Variants in FAM186A observed in about 807,000 individuals in gnomAD.
The protein encoded by FAM186A is family with sequence similarity 186 member A.
Under a neutral mutation model 216.8 loss-of-function variants are expected in FAM186A, and 163 were observed. The ratio of observed to expected loss-of-function variants is 0.75; its 90% CI spans 0.66 to 0.86. The LOEUF is 0.86. Ranked by LOEUF, FAM186A falls within the 40% of genes least tolerant of loss-of-function variation. The probability of loss-of-function intolerance (pLI) is 0.00; values close to 1 mark genes in which losing one functional copy is unlikely to be tolerated. For synonymous variants in FAM186A, 805 were observed against 1,025.3 expected (o/e 0.79, Z 4.10); for missense variants, 2,184 against 2,746.2 (o/e 0.80, Z 4.58).
intron 1 of FAM186A, among the ~76,000 whole-genome samples, chr12:50,384,928 C>G (rs1943287915): frequency 6.6e-6 from 1 of 151,890 alleles, no homozygotes; most frequent in Non-Finnish European, 1.5e-5. Flanking sequence ...GCCTCAGCCT[C>G]CCAAGTAGCT....
intron 1 of FAM186A, chr12:50,365,995 G>T (rs1186173111): frequency 3.9e-6 from 3 of 765,802 alleles, no homozygotes; most frequent in African/African-American, 3.4e-5. Flanking sequence ...GACAAAGACC[G>T]CAAAAAGATC....
At chr12:50,388,361 G>A (rs892544273) in intron 1 of FAM186A, among the ~76,000 whole-genome samples, 7 of 152,202 alleles carry the variant, frequency 4.6e-5, no homozygotes, top group Admixed American at 2.6e-4. Context: ...GCTCACACCT[G>A]TAATCGCACA....
At chr12:50,366,279 A>T (rs896541934) in intron 1 of FAM186A, among the ~76,000 whole-genome samples, 1 of 152,194 alleles carries the variant, frequency 6.6e-6, no homozygotes, top group Non-Finnish European at 1.5e-5. Flanking sequence ...CAAATGATGA[A>T]GAATAACATT....
intron 3 of FAM186A, among the ~76,000 whole-genome samples, chr12:50,357,926 C>T (rs369561215): frequency 2.2e-4 from 33 of 151,806 alleles, no homozygotes; most frequent in African/African-American, 7.5e-4. Flanking sequence ...TGCAGTGAGT[C>T]GAGATCACGC....
In FAM186A at chr12:50,356,141, T is replaced by C. The variant is rs1289098777; in HGVS notation, c.691A>G (p.Asn231Asp). Reference protein sequence around the residue: ...DQMISDQLATNTKVSEIQGML... With the variant: ...DQMISDQLATDTKVSEIQGML... ...CCTTGGATTTCTGAAACCTTTGTATTTGTTGCAAGTTGATCACTAATCATC... is the reference window on the plus strand; with the variant it reads ...CCTTGGATTTCTGAAACCTTTGTATCTGTTGCAAGTTGATCACTAATCATC... The change falls in exon 4 of 8, where the codon AAT becomes GAT. Residue 231 changes from asparagine (N) to aspartate (D), a missense_variant. Around this residue, in one of 7 missense-constraint regions of FAM186A, gnomAD observed 1,132 missense variants for 1,263.4 expected, o/e 0.90. Coordinates refer to ENST00000327337, the MANE Select transcript of FAM186A (RefSeq NM_001145475.3). 6.4e-7 allele frequency: 1 copy of C among 1,551,678 alleles called. No individual in the cohort carries two copies. The highest frequency in any genetic ancestry group is 1.2e-5 in the South Asian group (1 of 84,058).
chr12:50,339,626 C>T (rs1457955036), intron 4 of FAM186A, among the ~76,000 whole-genome samples: 4 of 152,020 alleles, frequency 2.6e-5, no homozygotes, highest in Non-Finnish European at 4.4e-5. Context: ...ATACAAGTTC[C>T]TTAGCATGTG....
At chr12:50,334,875 C>T (rs530587905) in intron 4 of FAM186A, among the ~76,000 whole-genome samples, 5 of 152,084 alleles carry the variant, frequency 3.3e-5, no homozygotes, top group Admixed American at 2.0e-4. Context: ...TATGAATGAA[C>T]CTTCAAAAAT....
At position 50,351,004 on chromosome 12, in the gene FAM186A, G is replaced by C; in HGVS notation, c.5828C>G (p.Pro1943Arg). The part of the protein sequence containing the change: ...TLWPSPAPGK[P>R]QKSWSPSVAK... The stretch of plus-strand genomic sequence containing the variant: ...AACAGAAGGGGACCAACTTTTCTGG[G>C]GCTTTCCAGGGGCTGGGGACGGCCA... Residue 1943 changes from proline to arginine, a missense_variant, in exon 4 of 8, where the codon CCC becomes CGC. Around this residue, in one of 7 missense-constraint regions of FAM186A, gnomAD observed 721 missense variants for 816.4 expected, o/e 0.88. Transcript: ENST00000327337. 6.4e-7 allele frequency: 1 copy of C among 1,551,494 alleles called. No individual in the cohort carries two copies. Among genetic ancestry groups the C allele is most frequent in the African/African-American group, 1.4e-5 (1 of 73,134 alleles).
chr12:50,337,422 G>A lies in FAM186A; in HGVS notation c.6504-3319C>T, dbSNP rs115536733. ...CCATCCTCCCACCTCAGCCCCCCTC[G>A]GTAGCTGGGACTATAGGCACACCGT... On this transcript the variant is annotated intron_variant, in intron 4 of 7. Transcript: ENST00000327337. Among the ~76,000 whole-genome samples, 827 of 147,302 alleles carry A rather than the reference G, an allele frequency of 5.6e-3. 6 individuals carry two copies. Among genetic ancestry groups the A allele is most frequent in the African/African-American group, 0.02 (805 of 40,022 alleles).
At chr12:50,359,889 A>G (rs945905600) in intron 3 of FAM186A, among the ~76,000 whole-genome samples, 4 of 152,198 alleles carry the variant, frequency 2.6e-5, no homozygotes, top group African/African-American at 4.8e-5. Flanking sequence ...GCTGATGGGT[A>G]AAAGGACTGA....
At chr12:50,375,376 T>TTA (rs1161930465) in intron 1 of FAM186A, among the ~76,000 whole-genome samples, 4 of 151,882 alleles carry the variant, frequency 2.6e-5, no homozygotes, top group Non-Finnish European at 5.9e-5. Flanking sequence ...GGTGAAACCC[T>TTA]GTCTCGACTA....
In FAM186A at chr12:50,373,067, GAAAGAAAGAGA is replaced by G. The variant is rs1444230808; in HGVS notation, c.193-9714_193-9704del. 2.5e-4 allele frequency among the ~76,000 whole-genome samples: 36 copies of G among 142,232 alleles called. 1 individual carries two copies. Among genetic ancestry groups the G allele is most frequent in the Admixed American group, 3.7e-4 (5 of 13,650 alleles). 93.3% of individuals were successfully genotyped at this position (142,232 alleles called of 152,430 possible). On this transcript the variant is annotated intron_variant, in intron 1 of 7. Coordinates refer to ENST00000327337, the MANE Select transcript of FAM186A (RefSeq NM_001145475.3). The stretch of plus-strand genomic sequence containing the variant: ...AGAAAGAAAGAAAGAAAGAAAGAAA[GAAAGAAAGAGA>G]AAAGAAAGAAAGAAAGAAAAGAAAG...
chr12:50,386,519 C>A (rs1943305343), intron 1 of FAM186A, among the ~76,000 whole-genome samples: 1 of 151,980 alleles, frequency 6.6e-6, no homozygotes, highest in Admixed American at 6.6e-5. Context: ...ATAAATATAT[C>A]AAAACATAAT....
rs537756345 is a variant in FAM186A at position 50,368,976 on chromosome 12, A to AC, written c.193-5613_193-5612insG. 4.8e-5 allele frequency among the ~76,000 whole-genome samples: 7 copies of AC among 146,280 alleles called. No individual in the cohort carries two copies. In the East Asian group the frequency reaches 9.7e-4, roughly 20 times the overall value. ...AAAGGACAGTCTTTTAAAAAAAAAA[A>AC]AAACACACACAAATGTTGGTGGGAA... On this transcript the variant is annotated intron_variant, in intron 1 of 7. Coordinates refer to ENST00000327337, the MANE Select transcript of FAM186A (RefSeq NM_001145475.3).
Position 50,355,535 on chromosome 12 carries a change from C to T in FAM186A, c.1297G>A (p.Asp433Asn). Reference protein sequence around the residue: ...QPVASEDISEDSTKDNVSLKK... With the variant: ...QPVASEDISENSTKDNVSLKK... ...AATGATACGTTATCTTTAGTGCTGTCTTCGGAAATATCTTCAGAAGCAACA... is the reference window on the plus strand; with the variant it reads ...AATGATACGTTATCTTTAGTGCTGTTTTCGGAAATATCTTCAGAAGCAACA... The change falls in exon 4 of 8, where the codon GAC (aspartate) becomes AAC (asparagine). Residue 433 changes from aspartate to asparagine, a missense_variant. Asp to Asn is a conservative substitution (Grantham distance 23). Around this residue, in one of 7 missense-constraint regions of FAM186A, gnomAD observed 1,132 missense variants for 1,263.4 expected, o/e 0.90. Transcript: ENST00000327337. 1 of 1,551,520 alleles carries T rather than the reference C, an allele frequency of 6.4e-7. No individual in the cohort carries two copies. Among genetic ancestry groups the T allele is most frequent in the Non-Finnish European group, 8.7e-7 (1 of 1,146,972 alleles).
At chr12:50,328,872 T>C (rs1942629736) in intron 7 of FAM186A, among the ~76,000 whole-genome samples, 1 of 152,170 alleles carries the variant, frequency 6.6e-6, no homozygotes, top group Non-Finnish European at 1.5e-5. Flanking sequence ...TCCCAACCTT[T>C]TGGGAGGCCA....
At chr12:50,377,919 A>T (rs1943213586) in intron 1 of FAM186A, among the ~76,000 whole-genome samples, 2 of 151,934 alleles carry the variant, frequency 1.3e-5, no homozygotes, top group South Asian at 2.1e-4. Flanking sequence ...AATATGAAAG[A>T]TACTGTTAAG....
At chr12:50,373,053 AAGAAAGAAAGAAAGAAAGAAAG>A (rs1943162865) in intron 1 of FAM186A, among the ~76,000 whole-genome samples, 2 of 149,194 alleles carry the variant, frequency 1.3e-5, no homozygotes, top group Non-Finnish European at 3.0e-5. Flanking sequence ...GAAAGAAAGA[AAGAAAGAAAGAAAGAAAGAAAG>A]AGAAAAGAAA....
In FAM186A at chr12:50,354,475, G is replaced by A; in HGVS notation, c.2357C>T (p.Pro786Leu). The A allele has an allele frequency of 6.4e-7, 1 of 1,551,518 alleles. No individual in the cohort carries two copies. Among genetic ancestry groups the A allele is most frequent in the Non-Finnish European group, 8.7e-7 (1 of 1,146,982 alleles). The change falls in exon 4 of 8, where the codon CCA becomes CTA. Residue 786 changes from proline (P) to leucine (L), a missense_variant. Physicochemically the swap from Pro to Leu is moderately conservative, Grantham distance 98. Coordinates refer to ENST00000327337, the MANE Select transcript of FAM186A (RefSeq NM_001145475.3). ...STLLSYESTDPVINNLIQMIL... is the reference protein window; with the variant it reads ...STLLSYESTDLVINNLIQMIL... The stretch of plus-strand genomic sequence containing the variant: ...CATTTGTATTAAATTGTTAATTACT[G>A]GATCTGTGCTCTCATATGAGAGGAG...
Sources: allele counts gnomAD v4.1 joint callset (sites outside exome capture counted in the v4.1 genomes callset), GRCh38; gene constraint gnomAD v4.1.1; regional missense constraint gnomAD v4.1.1; transcripts MANE v1.5; gene names NCBI Gene and HGNC (gene_info 2026-07-23, HGNC 2026-07-21).